Variants in FBXW7 observed in about 807,000 individuals in gnomAD.
FBXW7 encodes the protein F-box/WD repeat-containing protein 7.
A neutral mutation model predicts 86.3 loss-of-function variants in FBXW7; 11 were observed. The ratio of observed to expected loss-of-function variants is 0.13; its 90% CI spans 0.08 to 0.21. The LOEUF (loss-of-function observed/expected upper bound fraction) is 0.21. Ranked by LOEUF, FBXW7 falls within the 10% of genes least tolerant of loss-of-function variation. The probability of loss-of-function intolerance (pLI) is 1.00; values close to 1 mark genes in which losing one functional copy is unlikely to be tolerated. For missense variants in FBXW7, 488 were observed against 847.4 expected (o/e 0.58, Z 5.27); for synonymous variants, 313 against 297.9 (o/e 1.05, Z -0.52).
At chr4:152,465,349 C>T (rs531631831) in intron 2 of FBXW7, among the ~76,000 whole-genome samples, 1 of 152,206 alleles carries the variant, frequency 6.6e-6, no homozygotes, top group Non-Finnish European at 1.5e-5. Context: ...CTTAATTCAG[C>T]CATAAATAGG....
intron 2 of FBXW7, among the ~76,000 whole-genome samples, chr4:152,415,930 C>A (rs140135108): frequency 2.6e-5 from 4 of 152,074 alleles, no homozygotes; most frequent in Non-Finnish European, 5.9e-5. Flanking sequence ...AATAATACCC[C>A]CCAGCATCAC....
chr4:152,417,653 C>T (rs367810505), intron 2 of FBXW7, among the ~76,000 whole-genome samples: 29 of 152,102 alleles, frequency 1.9e-4, no homozygotes, highest in African/African-American at 6.7e-4. Flanking sequence ...CCTGTGGGTG[C>T]GTAACACAGT....
At chr4:152,515,341 G>A (rs993607342) in intron 2 of FBXW7, among the ~76,000 whole-genome samples, 8 of 152,206 alleles carry the variant, frequency 5.3e-5, no homozygotes, top group Admixed American at 2.6e-4. Context: ...TGCAGGGAAG[G>A]ATTTAACTGT....
chr4:152,428,257 A>T (rs1739556522), intron 2 of FBXW7, among the ~76,000 whole-genome samples: 1 of 152,128 alleles, frequency 6.6e-6, no homozygotes, highest in African/African-American at 2.4e-5. Context: ...ATTAAATTTC[A>T]CTTGTGAGGC....
At chr4:152,392,267 C>T (rs2126812326) in intron 4 of FBXW7, among the ~76,000 whole-genome samples, 1 of 152,080 alleles carries the variant, frequency 6.6e-6, no homozygotes, top group South Asian at 2.1e-4. Flanking sequence ...CTGTTTGGAC[C>T]ATTAGAGATA....
intron 6 of FBXW7, among the ~76,000 whole-genome samples, chr4:152,341,288 A>G (rs1730714649): frequency 6.6e-6 from 1 of 152,132 alleles, no homozygotes; most frequent in African/African-American, 2.4e-5. Context: ...TCTGCCATAC[A>G]CACTCTTTCT....
chr4:152,404,412 C>A (rs967498973), intron 4 of FBXW7, among the ~76,000 whole-genome samples: 3 of 152,026 alleles, frequency 2.0e-5, no homozygotes, highest in African/African-American at 7.2e-5. Context: ...GAGATAATTC[C>A]TAACATTTGG....
chr4:152,474,133 T>C (rs1744193753), intron 2 of FBXW7, among the ~76,000 whole-genome samples: 1 of 152,212 alleles, frequency 6.6e-6, no homozygotes, highest in South Asian at 2.1e-4. Flanking sequence ...TAAAGGCTTA[T>C]TAGGAAAATT....
At chr4:152,385,999 AC>A (rs1315934071) in intron 4 of FBXW7, among the ~76,000 whole-genome samples, 26 of 152,194 alleles carry the variant, frequency 1.7e-4, no homozygotes, top group African/African-American at 5.1e-4. Flanking sequence ...CACTAAAAAA[AC>A]AAACCTTCAA....
chr4:152,364,872 A>G (rs1179126842), intron 4 of FBXW7, among the ~76,000 whole-genome samples: 1 of 152,172 alleles, frequency 6.6e-6, no homozygotes, highest in Non-Finnish European at 1.5e-5. Context: ...ACATAATTAC[A>G]ACACATGCAG....
At chr4:152,448,041 C>CCT (rs1280569466) in intron 2 of FBXW7, among the ~76,000 whole-genome samples, 2 of 152,224 alleles carry the variant, frequency 1.3e-5, no homozygotes, top group Admixed American at 1.3e-4. Flanking sequence ...TACAACTTAA[C>CCT]CATAAAGTTA....
At chr4:152,444,162 T>A (rs748944353) in intron 2 of FBXW7, among the ~76,000 whole-genome samples, 1 of 152,230 alleles carries the variant, frequency 6.6e-6, no homozygotes, top group African/African-American at 2.4e-5. Flanking sequence ...GGTAATTTCA[T>A]ATGATTTAAC....
At chr4:152,498,897 AT>A (rs755969133) in intron 2 of FBXW7, among the ~76,000 whole-genome samples, 87 of 152,234 alleles carry the variant, frequency 5.7e-4, no homozygotes, top group South Asian at 1.2e-3. Flanking sequence ...GTGCTTGACA[AT>A]TTTTAGATCT....
At chr4:152,464,243 G>A (rs1329434946) in intron 2 of FBXW7, among the ~76,000 whole-genome samples, 1 of 152,210 alleles carries the variant, frequency 6.6e-6, no homozygotes, top group Non-Finnish European at 1.5e-5. Context: ...CAACCTTGGA[G>A]ATAATGGGAA....
intron 2 of FBXW7, among the ~76,000 whole-genome samples, chr4:152,461,570 T>C (rs1742947050): frequency 6.6e-6 from 1 of 152,220 alleles, no homozygotes; most frequent in Non-Finnish European, 1.5e-5. Flanking sequence ...CTGATTATAT[T>C]TAGGGCTATT....
intron 4 of FBXW7, chr4:152,352,690 C>A (rs1258052760): frequency 6.2e-7 from 1 of 1,613,736 alleles, no homozygotes. Context: ...ACAGTAAAGG[C>A]AAATGCAGCT....
At chr4:152,439,327 T>C (rs1408600421) in intron 2 of FBXW7, among the ~76,000 whole-genome samples, 2 of 152,192 alleles carry the variant, frequency 1.3e-5, no homozygotes, top group East Asian at 3.8e-4. Flanking sequence ...TAGAAATGAA[T>C]GTTCTCGAGG....
chr4:152,488,995 G>T (rs896208442), intron 2 of FBXW7, among the ~76,000 whole-genome samples: 24 of 151,958 alleles, frequency 1.6e-4, no homozygotes, highest in Admixed American at 4.6e-4. Context: ...AAATATAATA[G>T]TATAAAGAAT....
intron 2 of FBXW7, among the ~76,000 whole-genome samples, chr4:152,421,733 AGG>A (rs1738961006): frequency 6.6e-6 from 1 of 152,130 alleles, no homozygotes; most frequent in South Asian, 2.1e-4. Context: ...AAGCCACTGT[AGG>A]GTTATTAATT....
Sources: allele counts gnomAD v4.1 joint callset (sites outside exome capture counted in the v4.1 genomes callset), GRCh38; gene constraint gnomAD v4.1.1; transcripts MANE v1.5; gene names NCBI Gene and HGNC (gene_info 2026-07-23, HGNC 2026-07-21).